GASK1B: variants seen among roughly 807,000 people sequenced by gnomAD.
GASK1B encodes golgi associated kinase 1B, also known as Golgi-associated kinase 1B.
GASK1B carries 34 observed loss-of-function variants against 42.8 expected under a neutral mutation model. The observed-to-expected ratio is 0.79, with a 90% CI of 0.60 to 1.06. GASK1B has a LOEUF of 1.06. GASK1B is among the 50% of genes least tolerant of loss of function. GASK1B has a pLI of 0.00. For synonymous variants in GASK1B, 262 were observed against 259.1 expected (o/e 1.01, Z -0.11); for missense variants, 686 against 661.0 (o/e 1.04, Z -0.42).
intron 3 of GASK1B, among the ~76,000 whole-genome samples, chr4:158,155,212 G>T (rs1375815506): frequency 1.3e-5 from 2 of 151,964 alleles, no homozygotes; most frequent in Non-Finnish European, 2.9e-5. Flanking sequence ...GGCAGACAGT[G>T]GGCCCTGAAA....
intron 3 of GASK1B, among the ~76,000 whole-genome samples, chr4:158,138,207 A>C (rs1241071919): frequency 6.6e-5 from 10 of 152,238 alleles, no homozygotes; most frequent in Admixed American, 6.5e-4. Context: ...ACTATGCCAC[A>C]GAAAGACTGG....
chr4:158,127,312 C>T lies in GASK1B; in HGVS notation c.*95G>A. On this transcript the variant is annotated 3_prime_UTR_variant, in exon 5 of 5. Coordinates refer to ENST00000585682, the MANE Select transcript of GASK1B (RefSeq NM_001128424.2). ...TTTTACGTATTCATCTACACTGCCT[C>T]ATTGCTAAACGGGCTTGAGGTTGAT... 1.0e-6 allele frequency: 1 copy of T among 993,170 alleles called. No homozygotes were observed. The highest frequency in any genetic ancestry group is 1.6e-5 in the African/African-American group (1 of 62,028). 61.5% of individuals were successfully genotyped at this position (993,170 alleles called of 1,614,324 possible). A position where few individuals can be genotyped will look rare whatever the true frequency, so the allele number is the denominator to read the frequency against.
rs776677291 is a variant in GASK1B, at chr4:158,171,111, T to C, written c.265A>G (p.Thr89Ala). ...CCCTGGGACTCTGGAGGGGCCAGGG[T>C]ACCATCCAGGGGTATCTCAGGGAAG... is the stretch of plus-strand genomic sequence containing the variant. ...PSFPEIPLDG[T>A]LAPPESQGNG... is the part of the protein sequence containing the mutation. Residue 89 changes from threonine to alanine, a missense_variant, in exon 2 of 5, where the codon ACC becomes GCC. Transcript: ENST00000585682. 1 of 1,609,372 alleles carries C rather than the reference T, an allele frequency of 6.2e-7. No individual in the cohort carries two copies. The highest frequency in any genetic ancestry group is 1.1e-5 in the South Asian group (1 of 90,808).
intron 2 of GASK1B, among the ~76,000 whole-genome samples, chr4:158,160,242 A>G (rs1731920820): frequency 6.6e-6 from 1 of 152,192 alleles, no homozygotes; most frequent in Admixed American, 6.6e-5. Flanking sequence ...GGAAAACTTT[A>G]ATGCGAAAAG....
In GASK1B at chr4:158,127,318, T is replaced by C; in HGVS notation, c.*89A>G. 1 of 1,090,928 alleles carries C rather than the reference T, an allele frequency of 9.2e-7. No individual in the cohort carries two copies. Among genetic ancestry groups the C allele is most frequent in the South Asian group, 1.5e-5 (1 of 68,022 alleles). The allele number at this position is 1,090,928 out of a possible 1,614,324, so 67.6% of individuals were successfully genotyped here. A position where few individuals can be genotyped will look rare whatever the true frequency, so the allele number is the denominator to read the frequency against. ...GTATTCATCTACACTGCCTCATTGC[T>C]AAACGGGCTTGAGGTTGATGTGCTT... On this transcript the variant is annotated 3_prime_UTR_variant, in exon 5 of 5. Coordinates refer to ENST00000585682, the MANE Select transcript of GASK1B (RefSeq NM_001128424.2).
rs1007951224 is a variant in GASK1B at position 158,135,245 on chromosome 4, C to A, written c.1126-4233G>T. 3.5e-5 allele frequency among the ~76,000 whole-genome samples: 5 copies of A among 143,306 alleles called. No homozygotes were observed. In the South Asian group the frequency reaches 1.1e-3, roughly 31 times the overall value. The allele number at this position is 143,306 out of a possible 152,430, so 94.0% of individuals were successfully genotyped here. A position where few individuals can be genotyped will look rare whatever the true frequency, so the allele number is the denominator to read the frequency against. ...CTGAGGCAGGAGAATCACTTGAACC[C>A]GGGAAGTGGAGGTTGCAGTGAGCCG... On this transcript the variant is annotated intron_variant, in intron 3 of 4. Transcript: ENST00000585682.
chr4:158,145,956 T>A (rs1424243989), intron 3 of GASK1B, among the ~76,000 whole-genome samples: 1 of 152,236 alleles, frequency 6.6e-6, no homozygotes, highest in African/African-American at 2.4e-5. Flanking sequence ...AATGTAAGTA[T>A]ATGAAGAAGC....
At chr4:158,159,507 G>T in intron 2 of GASK1B, 1 of 443,250 alleles carries the variant, frequency 2.3e-6, no homozygotes, top group South Asian at 1.6e-5. Context: ...ACTGGTTAAA[G>T]CAACTTACCC....
In GASK1B at chr4:158,127,432, A is replaced by G; in HGVS notation, c.1535T>C (p.Val512Ala). Reference protein sequence around the residue: ...ILITYINAHGVKVLPMNE With the variant: ...ILITYINAHGAKVLPMNE The stretch of plus-strand genomic sequence containing the variant: ...TCATTCATTCATAGGTAATACTTTG[A>G]CCCCGTGTGCATTGATATAGGTGAT... Residue 512 changes from valine to alanine, a missense_variant, in exon 5 of 5, where the codon GTC (valine) becomes GCC (alanine). Transcript: ENST00000585682. 1.2e-6 allele frequency: 2 copies of G among 1,613,412 alleles called. No individual in the cohort carries two copies. Among genetic ancestry groups the G allele is most frequent in the South Asian group, 1.1e-5 (1 of 91,042 alleles).
chr4:158,134,694 T>C (rs1730813804), intron 3 of GASK1B, among the ~76,000 whole-genome samples: 1 of 152,186 alleles, frequency 6.6e-6, no homozygotes, highest in South Asian at 2.1e-4. Flanking sequence ...GGTGGTGGGA[T>C]ATTTTTAGAT....
Position 158,155,735 on chromosome 4 carries a change from G to A in GASK1B, c.1001C>T (p.Thr334Ile), listed in dbSNP as rs753848768. The change falls in exon 3 of 5, where the codon ACT becomes ATT. Residue 334 changes from threonine to isoleucine, a missense_variant. Thr to Ile is a moderately conservative substitution (Grantham distance 89). Transcript: ENST00000585682. ...THSSVKLTWG[T>I]YQQLLKQKCW... is the part of the protein sequence containing the mutation. ...TTTCTGTTTCAGCAACTGCTGATAA[G>A]TTCCCCAGGTGAGCTTAACAGAAGA... is the stretch of plus-strand genomic sequence containing the variant. The A allele has an allele frequency of 1.2e-6, 2 of 1,613,874 alleles. No individual in the cohort carries two copies. Among genetic ancestry groups the A allele is most frequent in the South Asian group, 2.2e-5 (2 of 91,072 alleles).
At chr4:158,160,722 G>T (rs1731942491) in intron 2 of GASK1B, among the ~76,000 whole-genome samples, 1 of 152,064 alleles carries the variant, frequency 6.6e-6, no homozygotes, top group Admixed American at 6.6e-5. Context: ...ATCAGAAAAT[G>T]GATAAGAAAA....
At chr4:158,160,246 C>A (rs931831755) in intron 2 of GASK1B, among the ~76,000 whole-genome samples, 1 of 151,972 alleles carries the variant, frequency 6.6e-6, no homozygotes, top group Non-Finnish European at 1.5e-5. Flanking sequence ...AACTTTAATG[C>A]GAAAAGAAAT....
At chr4:158,150,767 A>G (rs1731526628) in intron 3 of GASK1B, among the ~76,000 whole-genome samples, 1 of 152,224 alleles carries the variant, frequency 6.6e-6, no homozygotes, top group Non-Finnish European at 1.5e-5. Context: ...ACAGCCCCAT[A>G]GCAGGACTCT....
intron 3 of GASK1B, among the ~76,000 whole-genome samples, chr4:158,145,373 A>G (rs1291444962): frequency 2.0e-5 from 3 of 152,228 alleles, no homozygotes; most frequent in Non-Finnish European, 2.9e-5. Flanking sequence ...GAGGCAAGGC[A>G]TACCAACTCA....
chr4:158,155,017 A>ATTAAAAT (rs1731705449), intron 3 of GASK1B, among the ~76,000 whole-genome samples: 1 of 152,186 alleles, frequency 6.6e-6, no homozygotes, highest in South Asian at 2.1e-4. Context: ...ATTTAAAAAA[A>ATTAAAAT]TTAAAATTAA....
At position 158,155,677 on chromosome 4, in the gene GASK1B, T is replaced by C; in HGVS notation, c.1059A>G (p.Glu353=). 6.2e-7 allele frequency: 1 copy of C among 1,613,914 alleles called. No homozygotes were observed. Among genetic ancestry groups the C allele is most frequent in the Non-Finnish European group, 8.5e-7 (1 of 1,179,806 alleles). The change falls in exon 3 of 5, where the codon GAA becomes GAG. Residue 353 remains glutamate, a synonymous_variant. Coordinates refer to ENST00000585682, the MANE Select transcript of GASK1B (RefSeq NM_001128424.2). The part of the protein sequence containing the change: ...CWQNGRVPKP[E]SGCTEIHHHE... ...GATGATGTATTTCAGTACAACCCGATTCAGGCTTGGGTACTCGGCCATTCT... is the reference window on the plus strand; with the variant it reads ...GATGATGTATTTCAGTACAACCCGACTCAGGCTTGGGTACTCGGCCATTCT...
intron 2 of GASK1B, 127 bp downstream of exon 2, chr4:158,170,339 C>T: frequency 1.2e-6 from 2 of 1,614,196 alleles, no homozygotes; most frequent in East Asian, 2.2e-5. Context: ...AGACACGCTG[C>T]TGCTGCTGCT....
intron 3 of GASK1B, among the ~76,000 whole-genome samples, chr4:158,152,127 G>T (rs1731580599): frequency 6.6e-6 from 1 of 152,166 alleles, no homozygotes; most frequent in African/African-American, 2.4e-5. Flanking sequence ...TGGTTTGCCA[G>T]GGTCTCTCAG....
Sources: allele counts gnomAD v4.1 joint callset (sites outside exome capture counted in the v4.1 genomes callset), GRCh38; gene constraint gnomAD v4.1.1; transcripts MANE v1.5; gene names NCBI Gene and HGNC (gene_info 2026-07-23, HGNC 2026-07-21).